The following STRIP2 variants were observed in gnomAD, a reference collection of about 807,000 sequenced individuals.
The protein encoded by STRIP2 is striatin-interacting protein 2.
STRIP2 carries 84 observed loss-of-function variants against 107.1 expected under a neutral mutation model. That is an observed-to-expected ratio of 0.78 (90% CI 0.66 to 0.94). The LOEUF (loss-of-function observed/expected upper bound fraction) is 0.94. Among genes scored for constraint, STRIP2 ranks in the 40% least tolerant of loss-of-function variants. The probability of loss-of-function intolerance (pLI) is 0.00; values close to 1 mark genes in which losing one functional copy is unlikely to be tolerated. For missense variants in STRIP2, 888 were observed against 1,034.2 expected, an observed-to-expected ratio of 0.86 and a Z score of 1.94; for synonymous variants, 394 against 400.4, an observed-to-expected ratio of 0.98 and a Z score of 0.19.
At chr7:129,472,183 G>T (rs1798803718) in intron 18 of STRIP2, among the ~76,000 whole-genome samples, 2 of 152,140 alleles carry the variant, frequency 1.3e-5, no homozygotes, top group South Asian at 4.1e-4. Flanking sequence ...AGAAACAGTG[G>T]TACACAGTAG....
At chr7:129,447,484 T>A (rs1381729745) in intron 3 of STRIP2, among the ~76,000 whole-genome samples, 3 of 152,234 alleles carry the variant, frequency 2.0e-5, no homozygotes, top group Non-Finnish European at 2.9e-5. Context: ...TCCACTGCAT[T>A]TGCTACTTCT....
intron 18 of STRIP2, among the ~76,000 whole-genome samples, 192 bp from the exon 19 acceptor site, chr7:129,480,593 C>T (rs1799091384): frequency 6.6e-6 from 1 of 152,168 alleles, no homozygotes; most frequent in Admixed American, 6.5e-5. Flanking sequence ...TAGAGTCTTC[C>T]AGGATTGGCA....
intron 13 of STRIP2, among the ~76,000 whole-genome samples, chr7:129,462,364 G>A (rs1017575114): frequency 1.3e-5 from 2 of 152,190 alleles, no homozygotes; most frequent in Non-Finnish European, 2.9e-5. Flanking sequence ...GAACTGCATT[G>A]GTCAAAGATG....
intron 2 of STRIP2, among the ~76,000 whole-genome samples, chr7:129,440,456 T>A (rs1000001238): frequency 2.6e-5 from 4 of 152,188 alleles, no homozygotes; most frequent in Non-Finnish European, 4.4e-5. Flanking sequence ...GCCTGCCTAC[T>A]TCTTTCTGCT....
intron 18 of STRIP2, among the ~76,000 whole-genome samples, chr7:129,474,734 ACTC>A: frequency 6.6e-6 from 1 of 151,318 alleles, no homozygotes; most frequent in East Asian, 1.9e-4. Flanking sequence ...CTGGTCTTGA[ACTC>A]CTGACCACAA....
At chr7:129,472,591 G>A (rs150451902) in intron 18 of STRIP2, among the ~76,000 whole-genome samples, 2,296 of 152,086 alleles carry the variant, frequency 0.015, 63 homozygotes, top group African/African-American at 0.053. Flanking sequence ...GTCATGGGCT[G>A]CAATAACTAG....
Position 129,487,417 on chromosome 7 carries a change from C to G in STRIP2, c.*1588C>G, listed in dbSNP as rs938821842. 6.6e-6 allele frequency: 1 copy of G among 152,090 alleles called. No individual in the cohort carries two copies. Among genetic ancestry groups the G allele is most frequent in the Non-Finnish European group, 1.5e-5 (1 of 68,016 alleles). 9.4% of individuals were successfully genotyped at this position (152,090 alleles called of 1,614,324 possible). On this transcript the variant is annotated 3_prime_UTR_variant, in exon 21 of 21. Coordinates refer to ENST00000249344, the MANE Select transcript of STRIP2 (RefSeq NM_020704.3). ...GTCACTTTATGCTGGGTGATATAGT[C>G]AAAATTTGCTTATTTACTCTGCCCC...
intron 18 of STRIP2, among the ~76,000 whole-genome samples, chr7:129,479,526 G>A (rs1278831624): frequency 1.5e-5 from 2 of 135,028 alleles, no homozygotes; most frequent in South Asian, 2.3e-4. Flanking sequence ...TTTCTCTCTT[G>A]TTGCCCAGGC....
At chr7:129,482,713 G>C in intron 19 of STRIP2, 129 bp from the exon 20 acceptor site, 1 of 1,069,588 alleles carries the variant, frequency 9.3e-7, no homozygotes, top group East Asian at 2.4e-5. Flanking sequence ...TCTAAGTAGA[G>C]CCTGGACCAT....
At chr7:129,464,294 T>C (rs1391015065) in intron 15 of STRIP2, among the ~76,000 whole-genome samples, 153 bp downstream of exon 15, 1 of 151,902 alleles carries the variant, frequency 6.6e-6, no homozygotes, top group Non-Finnish European at 1.5e-5. Context: ...CGTACAGGGC[T>C]TTCTGCTTGG....
Position 129,455,257 on chromosome 7 carries a change from T to C in STRIP2, c.720T>C (p.His240=). Residue 240 remains histidine (H), a synonymous_variant, in exon 8 of 21, where the codon CAT becomes CAC. Coordinates refer to ENST00000249344, the MANE Select transcript of STRIP2 (RefSeq NM_020704.3). ...TFRTELSFSM[H]NEEPFALLLF... Reference sequence around the variant, plus strand: ...CCTCACCCCTAGGCTTCTCCATGCATAATGAGGAGCCTTTTGCCCTTTTAC... The same window carrying C: ...CCTCACCCCTAGGCTTCTCCATGCACAATGAGGAGCCTTTTGCCCTTTTAC... 1 of 1,613,480 alleles carries C rather than the reference T, an allele frequency of 6.2e-7. No individual in the cohort carries two copies. Among genetic ancestry groups the C allele is most frequent in the Middle Eastern group, 1.7e-4 (1 of 6,060 alleles).
intron 3 of STRIP2, among the ~76,000 whole-genome samples, chr7:129,449,845 G>A (rs1401043119): frequency 1.3e-5 from 2 of 152,168 alleles, no homozygotes; most frequent in Non-Finnish European, 2.9e-5. Flanking sequence ...TAGCAGATTT[G>A]AGGCTCAGTA....
rs533006738 is a variant in STRIP2, at chr7:129,453,758, G to A, written c.531-384G>A. Among the ~76,000 whole-genome samples the A allele has an allele frequency of 2.6e-5, 4 of 152,304 alleles. No homozygotes were observed. The East Asian group carries it at 5.8e-4, about 22-fold the overall frequency. On this transcript the variant is annotated intron_variant, in intron 5 of 20. Coordinates refer to ENST00000249344, the MANE Select transcript of STRIP2 (RefSeq NM_020704.3). Reference sequence around the variant, plus strand: ...TTCCCTCATGGGCTATAGTTCTAGAGGTGGCCTTATTTGCTGCTACCACTA... The same window carrying A: ...TTCCCTCATGGGCTATAGTTCTAGAAGTGGCCTTATTTGCTGCTACCACTA...
intron 18 of STRIP2, among the ~76,000 whole-genome samples, chr7:129,479,163 A>T (rs981974461): frequency 1.3e-5 from 2 of 151,652 alleles, no homozygotes; most frequent in Admixed American, 6.6e-5. Flanking sequence ...AATCCCAGCT[A>T]CTCAGGAGAC....
intron 3 of STRIP2, among the ~76,000 whole-genome samples, chr7:129,448,173 A>G (rs1798088447): frequency 6.6e-6 from 1 of 152,134 alleles, no homozygotes; most frequent in African/African-American, 2.4e-5. Context: ...CTGGGGGCCC[A>G]CTGTAAGTCA....
chr7:129,437,966 C>T (rs1033839203), intron 1 of STRIP2, among the ~76,000 whole-genome samples: 6 of 152,058 alleles, frequency 3.9e-5, no homozygotes, highest in Non-Finnish European at 2.9e-5. Context: ...CCACCATGCT[C>T]GGCTAATTTT....
In STRIP2 at chr7:129,459,463, C is replaced by CT. The variant is rs1257176586; in HGVS notation, c.1341-54_1341-53insT. ...TGACTCTAGGGGGGTATTGGGGTAT[C>CT]AGTAGTTCTCGTACTTTGGAAGCTT... On this transcript the variant is annotated intron_variant, in intron 11 of 20. Coordinates refer to ENST00000249344, the MANE Select transcript of STRIP2 (RefSeq NM_020704.3). 9 of 1,472,684 alleles carry CT rather than the reference C, an allele frequency of 6.1e-6. No individual in the cohort carries two copies. In the African/African-American group the frequency reaches 1.2e-4, roughly 20 times the overall value. 91.2% of individuals were successfully genotyped at this position (1,472,684 alleles called of 1,614,324 possible).
Position 129,444,057 on chromosome 7 carries a change from C to T in STRIP2, c.233C>T (p.Thr78Ile). 3.7e-6 allele frequency: 6 copies of T among 1,613,732 alleles called. No homozygotes were observed. Among genetic ancestry groups the T allele is most frequent in the Non-Finnish European group, 5.1e-6 (6 of 1,179,702 alleles). ...LYSYTENLEF[T>I]NNRRCFEEDF... ...AGTTACACTGAGAACCTGGAATTCA[C>T]CAATAACAGGAGGTGCTTTGAAGAA... The change falls in exon 3 of 21, where the codon ACC (threonine) becomes ATC (isoleucine). Residue 78 changes from threonine (T) to isoleucine (I), a missense_variant. Thr to Ile is a moderately conservative substitution (Grantham distance 89). Coordinates refer to ENST00000249344, the MANE Select transcript of STRIP2 (RefSeq NM_020704.3).
rs2151021189 is a variant in STRIP2 at position 129,483,283 on chromosome 7, A to G, written c.2254+237A>G. On this transcript the variant is annotated intron_variant, in intron 20 of 20. Transcript: ENST00000249344. This position sits in a 1 kb window ranked among gnomAD's most constrained non-coding sequence, Gnocchi z 5.1. ...TTTTATAAAACAAGTAAATTGAGAG[A>G]TAATTAATTGCCTTTCCAAAACATT... The G allele has an allele frequency of 1.6e-6, 2 of 1,238,668 alleles. No individual in the cohort carries two copies. The highest frequency in any genetic ancestry group is 2.0e-6 in the Non-Finnish European group (2 of 988,550). 76.7% of individuals were successfully genotyped at this position (1,238,668 alleles called of 1,614,324 possible). A position where few individuals can be genotyped will look rare whatever the true frequency, so the allele number is the denominator to read the frequency against.
Sources: gnomAD v4.1 joint callset for allele counts (sites outside exome capture counted in the v4.1 genomes callset) on GRCh38, gnomAD v4.1.1 for gene constraint, Gnocchi (gnomAD v3.1) non-coding constraint, MANE v1.5 for transcripts, NCBI Gene and HGNC (gene_info 2026-07-23, HGNC 2026-07-21) for gene names.